The following KDM4A variants were observed in gnomAD, a reference collection of about 807,000 sequenced individuals.
KDM4A encodes lysine-specific demethylase 4A.
Under a neutral mutation model 127.1 loss-of-function variants are expected in KDM4A, and 23 were observed. The observed-to-expected ratio is 0.18, with a 90% CI of 0.13 to 0.26. The LOEUF (loss-of-function observed/expected upper bound fraction) is 0.26. Among genes scored for constraint, KDM4A ranks in the 10% least tolerant of loss-of-function variants. KDM4A has a pLI of 1.00. For missense variants in KDM4A, 890 were observed against 1,329.1 expected, an observed-to-expected ratio of 0.67 and a Z score of 5.14; for synonymous variants, 443 against 466.5, an observed-to-expected ratio of 0.95 and a Z score of 0.65.
Position 43,694,726 on chromosome 1 carries a change from G to A in KDM4A, c.2502G>A (p.Lys834=), listed in dbSNP as rs758880319. 6.2e-7 allele frequency: 1 copy of A among 1,611,616 alleles called. No homozygotes were observed. Among genetic ancestry groups the A allele is most frequent in the African/African-American group, 1.3e-5 (1 of 74,976 alleles). ...PRFKLKCIFC[K]KRRKRTAGCC... is the part of the protein sequence containing the mutation. ...TGCTACAGAAATGTATCTTCTGTAA[G>A]AAGCGGAGGAAAAGAACTGCTGGCT... The change falls in exon 18 of 22, where the codon AAG becomes AAA. Residue 834 remains lysine (K), a synonymous_variant. Transcript: ENST00000372396. The surrounding 1 kb of genome is among the most constrained non-coding windows in gnomAD (Gnocchi z 5.2).
intron 5 of KDM4A, among the ~76,000 whole-genome samples, chr1:43,664,395 G>A (rs780836708): frequency 1.4e-4 from 22 of 151,974 alleles, no homozygotes; most frequent in Non-Finnish European, 1.8e-4. Flanking sequence ...GGTGAAACCC[G>A]TCTCTACTAA....
intron 11 of KDM4A, among the ~76,000 whole-genome samples, chr1:43,674,124 G>A (rs904341834): frequency 3.3e-5 from 5 of 151,996 alleles, no homozygotes; most frequent in Admixed American, 2.6e-4. Context: ...TGTATTTTTC[G>A]TAGAGATGGG....
intron 11 of KDM4A, among the ~76,000 whole-genome samples, chr1:43,683,405 G>T (rs893281181): frequency 6.6e-6 from 1 of 152,228 alleles, no homozygotes; most frequent in African/African-American, 2.4e-5. Context: ...TCTCAGAGCT[G>T]GAGCAGGCTT....
chr1:43,665,837 C>G, intron 6 of KDM4A, 92 bp downstream of exon 6: 1 of 1,321,598 alleles, frequency 7.6e-7, no homozygotes, highest in South Asian at 1.2e-5. Flanking sequence ...TGGTCAGATA[C>G]TTGCAGGTCC....
At chr1:43,691,154 T>A in intron 14 of KDM4A, 105 bp downstream of exon 14, 2 of 1,171,706 alleles carry the variant, frequency 1.7e-6, no homozygotes, top group Non-Finnish European at 2.5e-6. Flanking sequence ...AGATTGTTGA[T>A]GTTTTATTGG....
intron 20 of KDM4A, 59 bp downstream of exon 20, chr1:43,703,795 T>A (rs1661471667): frequency 1.2e-6 from 2 of 1,605,552 alleles, no homozygotes; most frequent in African/African-American, 2.7e-5. Context: ...CTGTGCTTCC[T>A]GTTGGGCCAG....
rs139391652 is a variant in KDM4A at position 43,693,394 on chromosome 1, T to C, written c.2376-600T>C. On this transcript the variant is annotated intron_variant, in intron 16 of 21. Transcript: ENST00000372396. This position sits in a 1 kb window ranked among gnomAD's most constrained non-coding sequence, Gnocchi z 4.2. ...TTTTCGTTCTTCTCCTCTTGATGCA[T>C]GCTGGTTTCCCAAAATGTCCAAAAC... Among the ~76,000 whole-genome samples, 2 of 152,390 alleles carry C rather than the reference T, an allele frequency of 1.3e-5. No individual in the cohort carries two copies. Among genetic ancestry groups the C allele is most frequent in the East Asian group, 3.9e-4 (2 of 5,192 alleles).
intron 2 of KDM4A, among the ~76,000 whole-genome samples, chr1:43,654,563 A>G (rs1477696231): frequency 2.0e-5 from 3 of 150,098 alleles, no homozygotes; most frequent in Non-Finnish European, 4.4e-5. Flanking sequence ...TGTCTTGTTA[A>G]TTTATTACTA....
Position 43,694,643 on chromosome 1 carries a change from G to T in KDM4A, c.2485-66G>T. The T allele has an allele frequency of 7.0e-7, 1 of 1,420,652 alleles. No homozygotes were observed. The highest frequency in any genetic ancestry group is 9.7e-7 in the Non-Finnish European group (1 of 1,027,492). 88.0% of individuals were successfully genotyped at this position (1,420,652 alleles called of 1,614,324 possible). On this transcript the variant is annotated intron_variant, in intron 17 of 21. Coordinates refer to ENST00000372396, the MANE Select transcript of KDM4A (RefSeq NM_014663.3). This position sits in a 1 kb window ranked among gnomAD's most constrained non-coding sequence, Gnocchi z 5.2. Reference sequence around the variant, plus strand: ...GCTTGCTTGGCTTTGCATTTGGGAGGGGAACAACAGAGGAAGCTGCAGTGC... The same window carrying T: ...GCTTGCTTGGCTTTGCATTTGGGAGTGGAACAACAGAGGAAGCTGCAGTGC...
chr1:43,686,159 T>G (rs1040495568), intron 12 of KDM4A, among the ~76,000 whole-genome samples: 11 of 142,998 alleles, frequency 7.7e-5, no homozygotes, highest in African/African-American at 2.6e-4. Flanking sequence ...TTGTTTTTTT[T>G]TTTTTTTTTT....
intron 3 of KDM4A, 85 bp downstream of exon 3, chr1:43,655,851 C>A: frequency 8.7e-7 from 1 of 1,155,942 alleles, no homozygotes; most frequent in Non-Finnish European, 1.2e-6. Context: ...TGCTGCTGTC[C>A]TGATGAACAG....
At chr1:43,692,839 G>A (rs188912438) in intron 16 of KDM4A, among the ~76,000 whole-genome samples, 29 of 152,296 alleles carry the variant, frequency 1.9e-4, no homozygotes, top group Admixed American at 1.3e-4. Flanking sequence ...TGGGCAGCTC[G>A]TTTTCATGGA....
chr1:43,682,810 A>G (rs1660887963), intron 11 of KDM4A, among the ~76,000 whole-genome samples: 1 of 152,174 alleles, frequency 6.6e-6, no homozygotes, highest in Non-Finnish European at 1.5e-5. Context: ...TCTCTGAAGT[A>G]GCACTGCAGC....
In KDM4A at chr1:43,667,966, AGAG is replaced by A. The variant is rs756653660; in HGVS notation, c.1116_1118del (p.Glu372del). 3 of 1,614,210 alleles carry A rather than the reference AGAG, an allele frequency of 1.9e-6. No homozygotes were observed. The East Asian group carries it at 6.7e-5, about 36-fold the overall frequency. ...GAGCTGGCAACGAGGAGGAGTGCCC[AGAG>A]GAGGACATGGAAGGGGTGGAGGATG... On this transcript the variant is annotated inframe_deletion, in exon 9 of 22. Transcript: ENST00000372396.
rs144207070 is a variant in KDM4A at position 43,697,813 on chromosome 1, T to C, written c.2671-30T>C. ...ATGCCAGGCCTGCAAACTCCACGTG[T>C]GAGTAACCAAAGCCTCTGTTTTTTT... On this transcript the variant is annotated intron_variant, in intron 18 of 21. Coordinates refer to ENST00000372396, the MANE Select transcript of KDM4A (RefSeq NM_014663.3). 1.7e-3 allele frequency: 2,658 copies of C among 1,602,888 alleles called. 69 individuals carry two copies. The Admixed American group carries it at 0.038, about 23-fold the overall frequency.
At chr1:43,677,647 T>A (rs1217552271) in intron 11 of KDM4A, among the ~76,000 whole-genome samples, 1 of 152,054 alleles carries the variant, frequency 6.6e-6, no homozygotes, top group African/African-American at 2.4e-5. Flanking sequence ...CAGTAAAGGG[T>A]TTTTTAAGTA....
At position 43,657,431 on chromosome 1, in the gene KDM4A, G is replaced by A. The variant is rs527488739; in HGVS notation, c.314+1665G>A. 2.0e-5 allele frequency among the ~76,000 whole-genome samples: 3 copies of A among 152,028 alleles called. No individual in the cohort carries two copies. In the East Asian group the frequency reaches 5.9e-4, roughly 30 times the overall value. On this transcript the variant is annotated intron_variant, in intron 3 of 21. Transcript: ENST00000372396. ...TTGGCCAGGATGGTCTCGATCTCTT[G>A]ACCTCGTGATCCACCCGCCTTGGCC...
chr1:43,685,089 C>T (rs115891022), intron 12 of KDM4A, among the ~76,000 whole-genome samples: 1,753 of 151,768 alleles, frequency 0.012, 34 homozygotes, highest in African/African-American at 0.04. Context: ...ATAATGAGGC[C>T]GATCTTGGGG....
chr1:43,684,628 A>AGG (rs1660929700), intron 12 of KDM4A, among the ~76,000 whole-genome samples: 1 of 152,222 alleles, frequency 6.6e-6, no homozygotes, highest in African/African-American at 2.4e-5. Context: ...GGGCAAGGCC[A>AGG]GGGAGTGATA....
Sources: gnomAD v4.1 joint callset for allele counts (sites outside exome capture counted in the v4.1 genomes callset) on GRCh38, gnomAD v4.1.1 for gene constraint, Gnocchi (gnomAD v3.1) non-coding constraint, MANE v1.5 for transcripts, NCBI Gene and HGNC (gene_info 2026-07-23, HGNC 2026-07-21) for gene names.